The following ANTXR2 variants were observed in gnomAD, a reference collection of about 807,000 sequenced individuals.
ANTXR2 encodes anthrax toxin receptor 2.
A neutral mutation model predicts 73.7 loss-of-function variants in ANTXR2; 44 were observed. The observed-to-expected ratio is 0.60, with a 90% CI of 0.47 to 0.77. ANTXR2 has a LOEUF of 0.77. Ranked by LOEUF, ANTXR2 falls within the 30% of genes least tolerant of loss-of-function variation. ANTXR2 has a pLI of 0.00. For synonymous variants in ANTXR2, 217 were observed against 205.9 expected (o/e 1.05, Z -0.46); for missense variants, 604 against 592.5 (o/e 1.02, Z -0.20).
intron 12 of ANTXR2, among the ~76,000 whole-genome samples, chr4:79,998,388 A>G (rs1439726599): frequency 6.6e-6 from 1 of 152,048 alleles, no homozygotes; most frequent in Admixed American, 6.6e-5. Context: ...CAGCATATTC[A>G]GGTATTATTT....
At chr4:80,027,146 C>A (rs1732482428) in intron 10 of ANTXR2, among the ~76,000 whole-genome samples, 1 of 151,970 alleles carries the variant, frequency 6.6e-6, no homozygotes, top group South Asian at 2.1e-4. Context: ...AAATCTCATT[C>A]CTCACAAGAA....
intron 11 of ANTXR2, among the ~76,000 whole-genome samples, chr4:80,015,923 AAAAGGAAAGG>A (rs1184169438): frequency 0.019 from 696 of 36,874 alleles, 40 homozygotes; most frequent in South Asian, 0.04. Context: ...AAGGAAAGGA[AAAAGGAAAGG>A]AAAGGAAAGG....
At chr4:80,025,429 C>T (rs1415284135) in intron 10 of ANTXR2, among the ~76,000 whole-genome samples, 2 of 151,810 alleles carry the variant, frequency 1.3e-5, no homozygotes, top group Non-Finnish European at 2.9e-5. Context: ...TATATATATC[C>T]AATAAAAGAT....
chr4:79,910,995 A>G (rs915074118), intron 16 of ANTXR2, among the ~76,000 whole-genome samples: 1 of 152,102 alleles, frequency 6.6e-6, no homozygotes, highest in Admixed American at 6.6e-5. Context: ...AAACAAGGCA[A>G]TGCATCCCGG....
intron 10 of ANTXR2, among the ~76,000 whole-genome samples, chr4:80,029,146 A>C (rs1272401088): frequency 1.3e-5 from 2 of 152,140 alleles, no homozygotes; most frequent in African/African-American, 4.8e-5. Flanking sequence ...TATTTAACCT[A>C]TCTACAAATA....
At chr4:80,059,400 C>A (rs919595985) in intron 3 of ANTXR2, among the ~76,000 whole-genome samples, 4 of 151,810 alleles carry the variant, frequency 2.6e-5, no homozygotes, top group Admixed American at 6.6e-5. Context: ...ACTCTGTCAC[C>A]CAGGCTGGAG....
chr4:80,029,694 T>C (rs1462184977), intron 10 of ANTXR2, among the ~76,000 whole-genome samples: 1 of 151,718 alleles, frequency 6.6e-6, no homozygotes, highest in Admixed American at 6.6e-5. Context: ...GATTGCATGA[T>C]TAAATAGGGT....
chr4:79,908,061 C>CA (rs1726989671), intron 16 of ANTXR2, among the ~76,000 whole-genome samples: 1 of 152,174 alleles, frequency 6.6e-6, no homozygotes, highest in African/African-American at 2.4e-5. Flanking sequence ...GAGGATTTGC[C>CA]ATTCTAATTT....
intron 12 of ANTXR2, among the ~76,000 whole-genome samples, chr4:79,995,617 C>A (rs780345337): frequency 5.9e-5 from 9 of 151,880 alleles, no homozygotes; most frequent in South Asian, 2.1e-4. Flanking sequence ...AATGTTTCCA[C>A]CAGGTTTTTG....
At chr4:80,037,863 T>G (rs1733052079) in intron 7 of ANTXR2, among the ~76,000 whole-genome samples, 1 of 152,092 alleles carries the variant, frequency 6.6e-6, no homozygotes, top group Admixed American at 6.6e-5. Flanking sequence ...GAGATAACAG[T>G]GACAACAGTG....
At chr4:79,920,847 A>C (rs935261119) in intron 16 of ANTXR2, among the ~76,000 whole-genome samples, 2 of 152,146 alleles carry the variant, frequency 1.3e-5, no homozygotes, top group African/African-American at 4.8e-5. Flanking sequence ...TATATTTCAA[A>C]TTCTTAAGAT....
At chr4:79,936,476 T>G (rs1728259475) in intron 16 of ANTXR2, among the ~76,000 whole-genome samples, 1 of 152,162 alleles carries the variant, frequency 6.6e-6, no homozygotes, top group Non-Finnish European at 1.5e-5. Flanking sequence ...AAAACCTAAA[T>G]GAACAATCAA....
intron 3 of ANTXR2, among the ~76,000 whole-genome samples, chr4:80,060,254 T>C (rs949070685): frequency 6.6e-6 from 1 of 152,166 alleles, no homozygotes; most frequent in African/African-American, 2.4e-5. Context: ...TTTCAAAAGC[T>C]CTTCTGGACT....
chr4:79,991,455 A>G (rs1234450672), intron 12 of ANTXR2, among the ~76,000 whole-genome samples: 3 of 152,038 alleles, frequency 2.0e-5, no homozygotes, highest in Admixed American at 2.0e-4. Flanking sequence ...AATAAATAAC[A>G]GGAGTTAGCA....
chr4:79,903,640 A>G lies in ANTXR2; in HGVS notation c.*3789T>C, dbSNP rs1459864971. 6.6e-6 allele frequency: 1 copy of G among 152,186 alleles called. No homozygotes were observed. The highest frequency in any genetic ancestry group is 2.4e-5 in the African/African-American group (1 of 41,460). The allele number at this position is 152,186 out of a possible 1,614,324, so 9.4% of individuals were successfully genotyped here. On this transcript the variant is annotated 3_prime_UTR_variant, in exon 17 of 17. Transcript: ENST00000403729. ...TGGAAATATATTAAAGTGTTCTCAG[A>G]AATATGTCATAGAAATTCACTAAGC...
chr4:79,982,386 C>A (rs1031005412), intron 14 of ANTXR2, among the ~76,000 whole-genome samples: 3 of 152,006 alleles, frequency 2.0e-5, no homozygotes, highest in African/African-American at 7.2e-5. Flanking sequence ...TTATATAGAT[C>A]TTTTTACACA....
intron 16 of ANTXR2, 60 bp from the exon 17 acceptor site, chr4:79,907,527 A>G: frequency 4.6e-6 from 7 of 1,513,388 alleles, no homozygotes; most frequent in Non-Finnish European, 1.8e-6. Flanking sequence ...AAAGCATGAG[A>G]ACATCTAGTT....
rs201154009 is a variant in ANTXR2, at chr4:79,943,735, T to TAA, written c.1428+33884_1428+33885dup. The stretch of plus-strand genomic sequence containing the variant: ...ATGTACCCTAAAACTTAGAGTATAA[T>TAA]AAAAAAAAAAATAAATAAAAAATAA... On this transcript the variant is annotated intron_variant, in intron 16 of 16. Transcript: ENST00000403729. Among the ~76,000 whole-genome samples the TAA allele has an allele frequency of 9.6e-4, 136 of 141,122 alleles. 2 individuals carry two copies. Among genetic ancestry groups the TAA allele is most frequent in the African/African-American group, 3.4e-3 (130 of 38,740 alleles). The allele number at this position is 141,122 out of a possible 152,430, so 92.6% of individuals were successfully genotyped here. A position where few individuals can be genotyped will look rare whatever the true frequency, so the allele number is the denominator to read the frequency against.
At chr4:80,042,580 C>T (rs1733319547) in intron 7 of ANTXR2, among the ~76,000 whole-genome samples, 1 of 152,018 alleles carries the variant, frequency 6.6e-6, no homozygotes, top group African/African-American at 2.4e-5. Context: ...TTTCCTTTAT[C>T]TCCCAAAATA....
Sources: gnomAD v4.1 joint callset for allele counts (sites outside exome capture counted in the v4.1 genomes callset) on GRCh38, gnomAD v4.1.1 for gene constraint, MANE v1.5 for transcripts, NCBI Gene and HGNC (gene_info 2026-07-23, HGNC 2026-07-21) for gene names.